The following KLRD1 variants were observed in gnomAD, a reference collection of about 807,000 sequenced individuals.
The protein encoded by KLRD1 is natural killer cells antigen CD94.
Under a neutral mutation model 22.6 loss-of-function variants are expected in KLRD1, and 21 were observed. That is an observed-to-expected ratio of 0.93 (90% CI 0.66 to 1.34). KLRD1 has a LOEUF of 1.34. Among genes scored for constraint, KLRD1 ranks in the 40% most tolerant of loss-of-function variants. The pLI is 0.00. For synonymous variants in KLRD1, 59 were observed against 71.1 expected (o/e 0.83, Z 0.85); for missense variants, 183 against 208.6 (o/e 0.88, Z 0.76).
At chr12:10,290,056 C>T (rs776741026) in intron 1 of KLRD1, among the ~76,000 whole-genome samples, 2 of 152,176 alleles carry the variant, frequency 1.3e-5, no homozygotes, top group African/African-American at 4.8e-5. Flanking sequence ...GGATTACAGG[C>T]GTGAGCCACC....
At chr12:10,250,934 C>T (rs529206653) in intron 1 of KLRD1, among the ~76,000 whole-genome samples, 10 of 152,076 alleles carry the variant, frequency 6.6e-5, no homozygotes, top group South Asian at 2.1e-4. Flanking sequence ...TGAAAGCAGC[C>T]GCAAGTGCCA....
At chr12:10,298,382 T>G (rs1949839416) in intron 1 of KLRD1, among the ~76,000 whole-genome samples, 1 of 152,238 alleles carries the variant, frequency 6.6e-6, no homozygotes, top group Non-Finnish European at 1.5e-5. Context: ...TCTTAATTAT[T>G]TTTTAACCAA....
chr12:10,266,129 G>T (rs1366762299), intron 1 of KLRD1, among the ~76,000 whole-genome samples: 1 of 151,870 alleles, frequency 6.6e-6, no homozygotes. Flanking sequence ...ACTAACCCTT[G>T]CTTCCACATT....
intron 1 of KLRD1, among the ~76,000 whole-genome samples, chr12:10,291,273 G>A (rs1949767873): frequency 6.6e-6 from 1 of 152,064 alleles, no homozygotes; most frequent in South Asian, 2.1e-4. Flanking sequence ...TGAAGGCTGG[G>A]GTGACAGTGG....
intron 1 of KLRD1, among the ~76,000 whole-genome samples, chr12:10,270,335 TG>T (rs1565454662): frequency 6.6e-6 from 1 of 152,208 alleles, no homozygotes; most frequent in Non-Finnish European, 1.5e-5. Context: ...AAAAAATTAA[TG>T]AAGTTGCTCT....
chr12:10,252,752 G>T (rs1949356794), intron 1 of KLRD1, among the ~76,000 whole-genome samples: 1 of 152,112 alleles, frequency 6.6e-6, no homozygotes, highest in Non-Finnish European at 1.5e-5. Context: ...TTCAGAGGAA[G>T]GTGATTCAAG....
intron 1 of KLRD1, among the ~76,000 whole-genome samples, chr12:10,240,937 G>A (rs1470887153): frequency 6.6e-6 from 1 of 152,058 alleles, no homozygotes; most frequent in African/African-American, 2.4e-5. Context: ...TTGCACCTCC[G>A]TATGTAGTTC....
At chr12:10,292,573 A>C (rs1335034866) in intron 1 of KLRD1, among the ~76,000 whole-genome samples, 2 of 152,172 alleles carry the variant, frequency 1.3e-5, no homozygotes, top group African/African-American at 4.8e-5. Context: ...ATGTCTCAAC[A>C]ATGGGCTTAA....
intron 1 of KLRD1, among the ~76,000 whole-genome samples, chr12:10,292,231 G>C (rs1374240406): frequency 1.3e-5 from 2 of 152,106 alleles, no homozygotes; most frequent in Non-Finnish European, 2.9e-5. Context: ...CTAAACTCTT[G>C]TTAATGCTAT....
chr12:10,255,971 T>G (rs1185508630), intron 1 of KLRD1, among the ~76,000 whole-genome samples: 1 of 152,148 alleles, frequency 6.6e-6, no homozygotes, highest in Non-Finnish European at 1.5e-5. Flanking sequence ...TCTTCAGTTA[T>G]GTCAAAGTTT....
intron 1 of KLRD1, among the ~76,000 whole-genome samples, chr12:10,240,891 TG>T (rs1949235158): frequency 6.6e-6 from 1 of 152,236 alleles, no homozygotes; most frequent in African/African-American, 2.4e-5. Flanking sequence ...TTGAGTCATT[TG>T]TCTTTTAGGG....
chr12:10,244,065 A>G (rs1949267691), intron 1 of KLRD1, among the ~76,000 whole-genome samples: 1 of 151,990 alleles, frequency 6.6e-6, no homozygotes, highest in Admixed American at 6.6e-5. Context: ...CTCTTTCTGA[A>G]ATGGTCGAAG....
At chr12:10,267,711 A>G (rs953469649) in intron 1 of KLRD1, among the ~76,000 whole-genome samples, 2 of 152,226 alleles carry the variant, frequency 1.3e-5, no homozygotes, top group Non-Finnish European at 2.9e-5. Context: ...CACATGCTCT[A>G]TGGCTAGAAG....
In KLRD1 at chr12:10,321,474, G is replaced by T. The variant is rs1950311756; in HGVS notation, c.*6681G>T. 6.6e-6 allele frequency: 1 copy of T among 152,178 alleles called. No homozygotes were observed. The highest frequency in any genetic ancestry group is 2.1e-4 in the South Asian group (1 of 4,834). 9.4% of individuals were successfully genotyped at this position (152,178 alleles called of 1,614,324 possible). On this transcript the variant is annotated 3_prime_UTR_variant, in exon 6 of 6. Transcript: ENST00000336164. ...ATAAATCATTTGGGGCCAAAGATTA[G>T]ACTCTTGTAAACAGCTTCCTATATG...
At chr12:10,258,178 A>T (rs10734822) in intron 1 of KLRD1, among the ~76,000 whole-genome samples, 1 of 152,022 alleles carries the variant, frequency 6.6e-6, no homozygotes, top group Non-Finnish European at 1.5e-5. Flanking sequence ...CTCTATAAAC[A>T]TATGAGTCCA....
In KLRD1 at chr12:10,328,799, G is replaced by A. The variant is rs1592106366; in HGVS notation, c.*14006G>A. On this transcript the variant is annotated 3_prime_UTR_variant, in exon 6 of 6. Coordinates refer to ENST00000336164, the MANE Select transcript of KLRD1 (RefSeq NM_002262.5). ...CTGGGTAATTTGTAAAGAAAAAGAG[G>A]TTTAATGGACTCACAGTTCCACGTG... is the stretch of plus-strand genomic sequence containing the variant. 6.6e-6 allele frequency: 1 copy of A among 152,178 alleles called. No individual in the cohort carries two copies. Among genetic ancestry groups the A allele is most frequent in the South Asian group, 2.1e-4 (1 of 4,834 alleles). 9.4% of individuals were successfully genotyped at this position (152,178 alleles called of 1,614,324 possible).
Position 10,324,818 on chromosome 12 carries a change from G to GTGTATATATATATATATATATATATATA in KLRD1, c.*10026_*10027insGTATATATATATATATATATATATATAT, listed in dbSNP as rs750696767. 4.0e-5 allele frequency: 3 copies of GTGTATATATATATATATATATATATATA among 74,154 alleles called. No homozygotes were observed. Among genetic ancestry groups the GTGTATATATATATATATATATATATATA allele is most frequent in the Admixed American group, 2.1e-4 (1 of 4,736 alleles). The allele number at this position is 74,154 out of a possible 1,614,324, so 4.6% of individuals were successfully genotyped here. On this transcript the variant is annotated 3_prime_UTR_variant, in exon 6 of 6. Transcript: ENST00000336164. ...AGTATATATGTATATGTGTGTGTGT[G>GTGTATATATATATATATATATATATATA]TATATATATATATATATATATATAT...
At chr12:10,282,169 AT>A (rs1283516567) in intron 1 of KLRD1, among the ~76,000 whole-genome samples, 1 of 152,096 alleles carries the variant, frequency 6.6e-6, no homozygotes, top group Non-Finnish European at 1.5e-5. Context: ...ATTGCCTATA[AT>A]TTTTTAATGT....
chr12:10,282,023 A>G (rs1372238316), intron 1 of KLRD1, among the ~76,000 whole-genome samples: 3 of 152,206 alleles, frequency 2.0e-5, no homozygotes, highest in Admixed American at 2.0e-4. Flanking sequence ...AAAACTACCA[A>G]TAACCACTAA....
Sources: allele counts gnomAD v4.1 joint callset (sites outside exome capture counted in the v4.1 genomes callset), GRCh38; gene constraint gnomAD v4.1.1; transcripts MANE v1.5; gene names NCBI Gene and HGNC (gene_info 2026-07-23, HGNC 2026-07-21).